CPED1: variants seen among roughly 807,000 people sequenced by gnomAD.
The protein encoded by CPED1 is cadherin like and PC-esterase domain containing 1, also known as cadherin-like and PC-esterase domain-containing protein 1.
Under a neutral mutation model 128.2 loss-of-function variants are expected in CPED1, and 114 were observed. That is an observed-to-expected ratio of 0.89 (90% CI 0.76 to 1.04). The LOEUF is 1.04. Among genes scored for constraint, CPED1 ranks in the 50% least tolerant of loss-of-function variants. The pLI is 0.00. For missense variants in CPED1, 1,211 were observed against 1,207.1 expected, an observed-to-expected ratio of 1.00 and a Z score of -0.05; for synonymous variants, 462 against 426.7, an observed-to-expected ratio of 1.08 and a Z score of -1.02.
intron 5 of CPED1, among the ~76,000 whole-genome samples, chr7:121,093,906 A>G (rs1275168550): frequency 2.0e-5 from 3 of 151,928 alleles, no homozygotes. Flanking sequence ...TAATAGTCTC[A>G]TGGTTGGTAG....
At chr7:121,248,942 T>A (rs1323966747) in intron 18 of CPED1, among the ~76,000 whole-genome samples, 1 of 152,118 alleles carries the variant, frequency 6.6e-6, no homozygotes, top group Non-Finnish European at 1.5e-5. Flanking sequence ...ATAAAATGAT[T>A]CAAGAGTTCA....
In CPED1 at chr7:121,133,877, A is replaced by G; in HGVS notation, c.1632A>G (p.Ala544=). 2 of 1,577,300 alleles carry G rather than the reference A, an allele frequency of 1.3e-6. No individual in the cohort carries two copies. The highest frequency in any genetic ancestry group is 1.7e-4 in the Middle Eastern group (1 of 5,970). Residue 544 remains alanine (A), a synonymous_variant, in exon 13 of 23, where the codon GCA becomes GCG. Coordinates refer to ENST00000310396, the MANE Select transcript of CPED1 (RefSeq NM_024913.5). The part of the protein sequence containing the change: ...NIEKPQVPFD[A]IENKKAAVPQ... ...AAAAACCACAAGTGCCATTTGATGC[A>G]ATAGAAAATAAAAAAGGTAAAAATA...
intron 16 of CPED1, among the ~76,000 whole-genome samples, chr7:121,219,704 A>T (rs1797835612): frequency 6.6e-6 from 1 of 152,072 alleles, no homozygotes; most frequent in Non-Finnish European, 1.5e-5. Context: ...GTGGATTCTA[A>T]TGTGTTATAA....
intron 16 of CPED1, among the ~76,000 whole-genome samples, chr7:121,172,336 TTCTA>T (rs1290233139): frequency 2.0e-5 from 3 of 152,164 alleles, no homozygotes; most frequent in African/African-American, 7.2e-5. Context: ...AAGAGTATTT[TTCTA>T]TCTCACAGTT....
chr7:121,266,466 GA>G lies in CPED1; in HGVS notation c.2531+22del. 1.3e-6 allele frequency: 2 copies of G among 1,589,016 alleles called. No homozygotes were observed. The highest frequency in any genetic ancestry group is 1.7e-6 in the Non-Finnish European group (2 of 1,157,768). On this transcript the variant is annotated intron_variant, in intron 19 of 22. Transcript: ENST00000310396. ...TGCAAAGGTACAATGAAACTATAAT[GA>G]AAGACACAAAACCCACAAAGTACTG...
chr7:121,261,782 T>C (rs1204387540), intron 18 of CPED1: 5 of 1,517,172 alleles, frequency 3.3e-6, no homozygotes, highest in Admixed American at 2.1e-5. Flanking sequence ...TAATAAACTT[T>C]AATTGGGTTT....
chr7:120,989,444 C>T lies in CPED1; in HGVS notation c.-178C>T. 1 of 698,364 alleles carries T rather than the reference C, an allele frequency of 1.4e-6. No homozygotes were observed. The allele number at this position is 698,364 out of a possible 1,614,324, so 43.3% of individuals were successfully genotyped here. On this transcript the variant is annotated 5_prime_UTR_variant, in exon 2 of 23. Transcript: ENST00000310396. The stretch of plus-strand genomic sequence containing the variant: ...AAGAGCTCTTATTAAAAGCCTCAGA[C>T]TTTCGGGACCTATGATTCTTTGGCA...
At chr7:121,190,676 A>G (rs553962376) in intron 16 of CPED1, among the ~76,000 whole-genome samples, 9 of 151,994 alleles carry the variant, frequency 5.9e-5, no homozygotes, top group South Asian at 2.1e-4. Context: ...GAAAATAAAG[A>G]AAGAAATAAT....
chr7:120,998,384 T>C (rs1018443618), intron 2 of CPED1, among the ~76,000 whole-genome samples: 1 of 152,214 alleles, frequency 6.6e-6, no homozygotes, highest in African/African-American at 2.4e-5. Context: ...GGATTTAGTT[T>C]CCTTACCTGA....
At chr7:121,236,425 G>A (rs922192085) in intron 16 of CPED1, among the ~76,000 whole-genome samples, 3 of 151,988 alleles carry the variant, frequency 2.0e-5, no homozygotes, top group African/African-American at 7.2e-5. Flanking sequence ...CTCTATTATA[G>A]TTTGTTTTGT....
intron 3 of CPED1, among the ~76,000 whole-genome samples, chr7:121,043,641 A>G (rs1020498124): frequency 6.6e-6 from 1 of 152,128 alleles, no homozygotes; most frequent in African/African-American, 2.4e-5. Context: ...ACAGAGCCCA[A>G]GCAGAGTTAG....
At chr7:121,187,607 A>G (rs1282541096) in intron 16 of CPED1, among the ~76,000 whole-genome samples, 2 of 152,158 alleles carry the variant, frequency 1.3e-5, no homozygotes, top group Non-Finnish European at 2.9e-5. Flanking sequence ...GTCTGCATCA[A>G]GCAGTTTAGC....
chr7:121,266,544 G>T, intron 19 of CPED1, 97 bp downstream of exon 19: 1 of 1,237,776 alleles, frequency 8.1e-7, no homozygotes, highest in Non-Finnish European at 1.2e-6. Flanking sequence ...CATCAAATGT[G>T]CTCAAAAGGT....
At chr7:120,993,507 G>A (rs146154525) in intron 2 of CPED1, among the ~76,000 whole-genome samples, 120 of 152,192 alleles carry the variant, frequency 7.9e-4, no homozygotes, top group African/African-American at 2.8e-3. Context: ...TCAAAACATA[G>A]CCCAGTGCAA....
chr7:121,277,565 G>A (rs1160309419), intron 22 of CPED1, among the ~76,000 whole-genome samples: 2 of 151,992 alleles, frequency 1.3e-5, no homozygotes, highest in African/African-American at 2.4e-5. Context: ...ACACGTCATC[G>A]ACAACCCACC....
At chr7:121,069,021 G>A (rs1371717214) in intron 5 of CPED1, among the ~76,000 whole-genome samples, 1 of 152,072 alleles carries the variant, frequency 6.6e-6, no homozygotes, top group Non-Finnish European at 1.5e-5. Context: ...CCCAGAGGGA[G>A]ACATTAAATT....
At chr7:121,241,998 TG>T (rs1798406975) in intron 17 of CPED1, among the ~76,000 whole-genome samples, 1 of 152,164 alleles carries the variant, frequency 6.6e-6, no homozygotes, top group Non-Finnish European at 1.5e-5. Flanking sequence ...ATTCAATGTC[TG>T]GGGTACAATC....
intron 4 of CPED1, among the ~76,000 whole-genome samples, chr7:121,062,045 G>C (rs1459517802): frequency 1.3e-5 from 2 of 152,196 alleles, no homozygotes; most frequent in East Asian, 3.8e-4. Context: ...AAGGAACACA[G>C]GGAGAAGTCA....
At chr7:121,111,752 A>T (rs1164431387) in intron 7 of CPED1, among the ~76,000 whole-genome samples, 2 of 152,216 alleles carry the variant, frequency 1.3e-5, no homozygotes, top group East Asian at 3.9e-4. Context: ...CACCTTCTCC[A>T]TATGAGAGGT....
Sources: gnomAD v4.1 joint callset for allele counts (sites outside exome capture counted in the v4.1 genomes callset) on GRCh38, gnomAD v4.1.1 for gene constraint, MANE v1.5 for transcripts, NCBI Gene and HGNC (gene_info 2026-07-23, HGNC 2026-07-21) for gene names.